MAF: variants seen among roughly 807,000 people sequenced by gnomAD.
The protein encoded by MAF is MAF bZIP transcription factor, also known as transcription factor Maf.
A neutral mutation model predicts 22.0 loss-of-function variants in MAF; 10 were observed. The observed-to-expected ratio is 0.45, with a 90% CI of 0.28 to 0.77. The LOEUF (loss-of-function observed/expected upper bound fraction) is 0.77, where lower values mean the gene tolerates loss of function less well. Ranked by LOEUF, MAF falls within the 30% of genes least tolerant of loss-of-function variation. The pLI, the probability that MAF is intolerant of heterozygous loss-of-function variation, is 0.12. For missense variants in MAF, 544 were observed against 548.4 expected, an observed-to-expected ratio of 0.99 and a Z score of 0.08; for synonymous variants, 337 against 255.8, an observed-to-expected ratio of 1.32 and a Z score of -3.03.
chr16:79,360,360 G>C, the MAF span, among the ~76,000 whole-genome samples: 1 of 152,152 alleles, frequency 6.6e-6, no homozygotes, highest in Non-Finnish European at 1.5e-5. Context: ...TACTGGGTTT[G>C]GTTGGATTAC....
chr16:79,433,556 G>A, the MAF span, among the ~76,000 whole-genome samples: 1 of 151,498 alleles, frequency 6.6e-6, no homozygotes, highest in Non-Finnish European at 1.5e-5. Flanking sequence ...TGAAAATAAT[G>A]GACAGAAGAA....
the MAF span, among the ~76,000 whole-genome samples, chr16:79,448,717 G>A: frequency 1.7e-3 from 265 of 151,760 alleles, 1 homozygote; most frequent in African/African-American, 5.6e-3. Context: ...GAGCCACTGC[G>A]CCTGGCCTGA....
the MAF span, among the ~76,000 whole-genome samples, chr16:79,348,587 T>C: frequency 1.3e-5 from 2 of 152,198 alleles, no homozygotes; most frequent in Non-Finnish European, 2.9e-5. Context: ...TAACTGAGAA[T>C]TACTCTTTGA....
chr16:79,273,020 T>C, the MAF span, among the ~76,000 whole-genome samples: 1 of 152,250 alleles, frequency 6.6e-6, no homozygotes, highest in African/African-American at 2.4e-5. Flanking sequence ...AGAAGTATGT[T>C]AAAATGACAT....
chr16:79,357,568 C>T, the MAF span, among the ~76,000 whole-genome samples: 7 of 152,170 alleles, frequency 4.6e-5, no homozygotes, highest in Non-Finnish European at 5.9e-5. Flanking sequence ...ACTTTGCATC[C>T]GGGAAAGTTT....
intron 1 of MAF, chr16:79,595,938 AAAAC>A (rs1426491471): frequency 1.9e-6 from 2 of 1,061,086 alleles, no homozygotes; most frequent in Non-Finnish European, 1.1e-6. Flanking sequence ...AAAGCAAAAC[AAAAC>A]AAACAACTAT....
At chr16:79,454,522 T>C in the MAF span, among the ~76,000 whole-genome samples, 273 of 152,328 alleles carry the variant, frequency 1.8e-3, no homozygotes, top group Middle Eastern at 0.01. Context: ...ACTGCCAGTA[T>C]ACTCATTAAT....
the MAF span, among the ~76,000 whole-genome samples, chr16:79,509,679 G>C: frequency 6.6e-6 from 1 of 152,244 alleles, no homozygotes; most frequent in South Asian, 2.1e-4. Flanking sequence ...TTCATTCACA[G>C]TGGGGGCCCA....
At chr16:79,330,949 G>T in the MAF span, among the ~76,000 whole-genome samples, 2 of 152,156 alleles carry the variant, frequency 1.3e-5, no homozygotes, top group African/African-American at 4.8e-5. Flanking sequence ...GCAAACCCCG[G>T]ACATGAAGGC....
At chr16:79,345,157 T>C in the MAF span, among the ~76,000 whole-genome samples, 5 of 152,056 alleles carry the variant, frequency 3.3e-5, no homozygotes. Flanking sequence ...CCTTTTTCCC[T>C]AACCTGCTGA....
At chr16:79,494,484 C>A in the MAF span, among the ~76,000 whole-genome samples, 1 of 152,232 alleles carries the variant, frequency 6.6e-6, no homozygotes, top group Non-Finnish European at 1.5e-5. Flanking sequence ...GGACCACACC[C>A]AAGACAGTTT....
the MAF span, among the ~76,000 whole-genome samples, chr16:79,322,290 G>C: frequency 1.3e-5 from 2 of 152,136 alleles, no homozygotes; most frequent in African/African-American, 4.8e-5. Flanking sequence ...ATCACTGAGT[G>C]TTTCTAAGAA....
At chr16:79,224,146 A>C in the MAF span, among the ~76,000 whole-genome samples, 1 of 152,356 alleles carries the variant, frequency 6.6e-6, no homozygotes, top group East Asian at 1.9e-4. Flanking sequence ...GCAGCACATC[A>C]AAAAGCTTAT....
At chr16:79,416,145 G>C in the MAF span, among the ~76,000 whole-genome samples, 7 of 152,174 alleles carry the variant, frequency 4.6e-5, no homozygotes, top group African/African-American at 1.7e-4. Context: ...CCGCGGCACA[G>C]GATGGAAGTG....
chr16:79,407,838 C>G, the MAF span, among the ~76,000 whole-genome samples: 1 of 152,056 alleles, frequency 6.6e-6, no homozygotes, highest in Non-Finnish European at 1.5e-5. Context: ...TCATGAATGC[C>G]TCAATTCCTG....
At chr16:79,380,025 G>A in the MAF span, among the ~76,000 whole-genome samples, 17 of 152,250 alleles carry the variant, frequency 1.1e-4, no homozygotes, top group South Asian at 6.2e-4. Context: ...CAGGTAACAC[G>A]CACACTCCCT....
the MAF span, among the ~76,000 whole-genome samples, chr16:79,426,265 A>C: frequency 3.3e-5 from 5 of 152,162 alleles, no homozygotes; most frequent in African/African-American, 1.2e-4. Context: ...CGGATTTCGA[A>C]GACTTGGTAG....
At chr16:79,415,782 G>C in the MAF span, among the ~76,000 whole-genome samples, 1 of 151,736 alleles carries the variant, frequency 6.6e-6, no homozygotes, top group African/African-American at 2.4e-5. Flanking sequence ...GGTGCCTTTG[G>C]GGCTAGTTAT....
chr16:79,338,990 A>G, the MAF span, among the ~76,000 whole-genome samples: 3 of 152,204 alleles, frequency 2.0e-5, no homozygotes, highest in South Asian at 2.1e-4. Flanking sequence ...GACTATTCTT[A>G]TCCAAGGAAG....
Sources: allele counts gnomAD v4.1 joint callset (sites outside exome capture counted in the v4.1 genomes callset), GRCh38; gene constraint gnomAD v4.1.1; transcripts MANE v1.5; gene names NCBI Gene and HGNC (gene_info 2026-07-23, HGNC 2026-07-21).